The following CFAP69 variants were observed in gnomAD, a reference collection of about 807,000 sequenced individuals.
CFAP69 encodes the protein cilia- and flagella-associated protein 69.
A neutral mutation model predicts 123.0 loss-of-function variants in CFAP69; 92 were observed. The ratio of observed to expected loss-of-function variants is 0.75; its 90% CI spans 0.63 to 0.89. The LOEUF (loss-of-function observed/expected upper bound fraction) is 0.89, where lower values mean the gene tolerates loss of function less well. Ranked by LOEUF, CFAP69 falls within the 40% of genes least tolerant of loss-of-function variation. The pLI is 0.00. For synonymous variants in CFAP69, 380 were observed against 364.3 expected (o/e 1.04, Z -0.49); for missense variants, 1,067 against 1,096.9 (o/e 0.97, Z 0.39).
At chr7:90,317,778 T>C in the CFAP69 span, 4 of 152,152 alleles carry the variant, frequency 2.6e-5, no homozygotes, top group Non-Finnish European at 5.9e-5. Flanking sequence ...CATCAGGCAG[T>C]TCGTTACTTG....
chr7:90,306,020 G>C (rs1793535046), intron 19 of CFAP69, among the ~76,000 whole-genome samples: 1 of 136,160 alleles, frequency 7.3e-6, no homozygotes. Flanking sequence ...ACAGCTCACT[G>C]CAGCCTCAAC....
chr7:90,259,890 A>C (rs13247172), intron 3 of CFAP69, among the ~76,000 whole-genome samples: 105,562 of 151,874 alleles, frequency 0.7, 37,077 homozygotes, highest in East Asian at 0.94. Flanking sequence ...CTCTCACTTT[A>C]TGTATTCATT....
chr7:90,305,943 CTTTTTTTT>C, intron 19 of CFAP69, among the ~76,000 whole-genome samples: 1 of 129,590 alleles, frequency 7.7e-6, no homozygotes, highest in African/African-American at 2.8e-5. Context: ...TTCTTTCCTT[CTTTTTTTT>C]TTTTTTTTTG....
intron 8 of CFAP69, among the ~76,000 whole-genome samples, chr7:90,272,719 A>G (rs1800136832): frequency 6.6e-6 from 1 of 152,078 alleles, no homozygotes; most frequent in African/African-American, 2.4e-5. Context: ...ATTGTCTTCC[A>G]TGGTGCTGGC....
intron 12 of CFAP69, among the ~76,000 whole-genome samples, chr7:90,280,453 C>T (rs775569746): frequency 3.3e-5 from 5 of 152,232 alleles, no homozygotes; most frequent in Non-Finnish European, 7.3e-5. Flanking sequence ...ACTTCGGCCT[C>T]TCACAGTGTT....
intron 15 of CFAP69, among the ~76,000 whole-genome samples, chr7:90,292,256 A>G (rs190899921): frequency 5.5e-4 from 83 of 152,286 alleles, no homozygotes; most frequent in African/African-American, 1.8e-3. Flanking sequence ...GTACCCTCAC[A>G]TACCTAAGAG....
intron 8 of CFAP69, 124 bp downstream of exon 8, chr7:90,272,082 C>T: frequency 1.1e-6 from 1 of 899,136 alleles, no homozygotes; most frequent in Non-Finnish European, 1.6e-6. Context: ...GGCTATGTTT[C>T]AGGACATCTT....
chr7:90,297,988 A>T (rs1376814201), intron 16 of CFAP69, among the ~76,000 whole-genome samples, 158 bp downstream of exon 16: 1 of 152,222 alleles, frequency 6.6e-6, no homozygotes, highest in East Asian at 1.9e-4. Context: ...GAAATTCATA[A>T]TACACAGTGT....
chr7:90,251,109 A>G (rs541227457), intron 1 of CFAP69, among the ~76,000 whole-genome samples: 1 of 152,260 alleles, frequency 6.6e-6, no homozygotes, highest in South Asian at 2.1e-4. Flanking sequence ...TCATAATTAA[A>G]TTCTTCTGGT....
downstream of CFAP69, among the ~76,000 whole-genome samples, chr7:90,315,938 CA>C (rs1268279086): frequency 1.3e-5 from 2 of 151,888 alleles, no homozygotes; most frequent in South Asian, 2.1e-4. Context: ...ACTAAAACTA[CA>C]AAAAATTAGC....
chr7:90,315,224 T>G (rs1003298463), downstream of CFAP69, among the ~76,000 whole-genome samples: 7 of 152,090 alleles, frequency 4.6e-5, no homozygotes, highest in South Asian at 1.5e-3. Context: ...AAAACAGAAC[T>G]ACTATTCGAC....
chr7:90,245,903 G>T (rs1796265856), intron 1 of CFAP69, among the ~76,000 whole-genome samples: 1 of 152,162 alleles, frequency 6.6e-6, no homozygotes, highest in African/African-American at 2.4e-5. Flanking sequence ...TTGATGACCT[G>T]ATCAGTTTGA....
At chr7:90,319,371 C>T in the CFAP69 span, 1 of 398,450 alleles carries the variant, frequency 2.5e-6, no homozygotes, top group African/African-American at 2.1e-5. Context: ...CTGTTATTTT[C>T]TGTGGAAAAT....
intron 2 of CFAP69, 27 bp from the exon 3 acceptor site, chr7:90,258,071 A>G: frequency 6.4e-7 from 1 of 1,563,030 alleles, no homozygotes; most frequent in South Asian, 1.2e-5. Context: ...AAAGCACAAA[A>G]GAACTAAAAT....
At chr7:90,277,906 G>A (rs893744663) in intron 11 of CFAP69, among the ~76,000 whole-genome samples, 4 of 151,994 alleles carry the variant, frequency 2.6e-5, no homozygotes, top group African/African-American at 4.8e-5. Context: ...AAATTACCTC[G>A]TCTATCTGTG....
intron 9 of CFAP69, among the ~76,000 whole-genome samples, chr7:90,274,847 T>G (rs572989162): frequency 1.3e-5 from 2 of 152,310 alleles, no homozygotes; most frequent in East Asian, 3.9e-4. Context: ...CTTGGATATA[T>G]AAATTTAAGT....
intron 12 of CFAP69, among the ~76,000 whole-genome samples, chr7:90,282,438 G>A (rs926699711): frequency 6.6e-6 from 1 of 152,086 alleles, no homozygotes; most frequent in Admixed American, 6.6e-5. Context: ...ATTCAATGTG[G>A]ATGTATCCTG....
At chr7:90,314,029 A>G (rs1050843704), downstream of CFAP69, among the ~76,000 whole-genome samples, 1 of 152,166 alleles carries the variant, frequency 6.6e-6, no homozygotes, top group Non-Finnish European at 1.5e-5. Flanking sequence ...CCAAAAACCT[A>G]TAATCCCAGT....
chr7:90,314,864 T>TC (rs201987404), downstream of CFAP69, among the ~76,000 whole-genome samples: 3,064 of 149,568 alleles, frequency 0.02, 88 homozygotes, highest in South Asian at 0.099. Flanking sequence ...ATGCTATCGC[T>TC]CCCCCCCCTG....
Sources: allele counts gnomAD v4.1 joint callset (sites outside exome capture counted in the v4.1 genomes callset), GRCh38; gene constraint gnomAD v4.1.1; transcripts MANE v1.5; gene names NCBI Gene and HGNC (gene_info 2026-07-23, HGNC 2026-07-21).